The following WWC1 variants were observed in gnomAD, a reference collection of about 807,000 sequenced individuals.
The protein encoded by WWC1 is protein KIBRA.
WWC1 carries 55 observed loss-of-function variants against 138.4 expected under a neutral mutation model. That is an observed-to-expected ratio of 0.40 (90% CI 0.32 to 0.50). The LOEUF is 0.50. Among genes scored for constraint, WWC1 ranks in the 20% least tolerant of loss-of-function variants. The pLI is 0.72. For missense variants in WWC1, 1,226 were observed against 1,420.4 expected (o/e 0.86, Z 2.20); for synonymous variants, 524 against 564.9 (o/e 0.93, Z 1.03).
At chr5:168,414,235 A>G in intron 8 of WWC1, 113 bp from the exon 9 acceptor site, 1 of 1,450,620 alleles carries the variant, frequency 6.9e-7, no homozygotes, top group Non-Finnish European at 9.2e-7. Context: ...AAGCTGATCA[A>G]AGGAAGACAG....
At chr5:168,318,208 C>G (rs1175554901) in intron 1 of WWC1, among the ~76,000 whole-genome samples, 1 of 152,106 alleles carries the variant, frequency 6.6e-6, no homozygotes, top group African/African-American at 2.4e-5. Context: ...ATGTTACCAG[C>G]TCCCAATTTT....
chr5:168,385,221 G>A lies in WWC1; in HGVS notation c.240G>A (p.Gln80=). ...TGGGGTCTGTTCCAGAAACCACTCA[G>A]ATTGAGGATCCTCGAGTACAATGGC... ...YFIDHNTKTT[Q]IEDPRVQWRR... is the part of the protein sequence containing the mutation. Residue 80 remains glutamine (Q), a synonymous_variant, in exon 3 of 23, where the codon CAG becomes CAA. Transcript: ENST00000265293. The A allele has an allele frequency of 6.2e-7, 1 of 1,614,184 alleles. No individual in the cohort carries two copies. The highest frequency in any genetic ancestry group is 1.6e-4 in the Middle Eastern group (1 of 6,062).
At chr5:168,345,115 T>C (rs776147707) in intron 1 of WWC1, among the ~76,000 whole-genome samples, 53 of 152,176 alleles carry the variant, frequency 3.5e-4, no homozygotes, top group Non-Finnish European at 6.8e-4. Flanking sequence ...TTCTCTTTTA[T>C]TATTTTATTT....
chr5:168,406,066 G>A, intron 5 of WWC1, 132 bp from the exon 6 acceptor site: 7 of 1,170,808 alleles, frequency 6.0e-6, no homozygotes, highest in Non-Finnish European at 8.4e-6. Context: ...GGGACCTAGG[G>A]AGGAAGGGTT....
Position 168,371,509 on chromosome 5 carries a change from G to C in WWC1, c.205G>C (p.Asp69His). The change falls in exon 2 of 23, where the codon GAT becomes CAT. Residue 69 changes from aspartate (D) to histidine (H), a missense_variant. Asp to His is a moderately conservative substitution (Grantham distance 81). This residue lies in a region of WWC1 where 1,016 missense variants were observed against 1,153.9 expected (regional missense o/e 0.88). Coordinates refer to ENST00000265293, the MANE Select transcript of WWC1 (RefSeq NM_015238.3). ...AGAGGCATATGACCCACAGGTTGGA[G>C]ATTACTTCATAGACCACAACACCAG... ...WEEAYDPQVG[D>H]YFIDHNTKTT... 1 of 1,613,970 alleles carries C rather than the reference G, an allele frequency of 6.2e-7. No homozygotes were observed. Among genetic ancestry groups the C allele is most frequent in the Non-Finnish European group, 8.5e-7 (1 of 1,179,926 alleles).
chr5:168,336,000 C>T (rs1773422776), intron 1 of WWC1, among the ~76,000 whole-genome samples: 1 of 152,182 alleles, frequency 6.6e-6, no homozygotes, highest in Admixed American at 6.5e-5. Flanking sequence ...TCTATAAAAG[C>T]AGGACATTGG....
At chr5:168,448,031 C>T (rs1203205415) in intron 17 of WWC1, among the ~76,000 whole-genome samples, 1 of 152,178 alleles carries the variant, frequency 6.6e-6, no homozygotes, top group Non-Finnish European at 1.5e-5. Context: ...TGAGACTTTT[C>T]AAGCCATCTC....
At chr5:168,365,364 G>T (rs1292128620) in intron 1 of WWC1, among the ~76,000 whole-genome samples, 1 of 152,174 alleles carries the variant, frequency 6.6e-6, no homozygotes, top group Non-Finnish European at 1.5e-5. Context: ...GAGCAGGCCA[G>T]CATCCTGCTG....
chr5:168,318,495 T>C (rs1384001413), intron 1 of WWC1, among the ~76,000 whole-genome samples: 1 of 152,162 alleles, frequency 6.6e-6, no homozygotes, highest in Non-Finnish European at 1.5e-5. Flanking sequence ...CTCTATGAAT[T>C]TGACTTCTCT....
chr5:168,298,145 T>G (rs1167161350), intron 1 of WWC1, among the ~76,000 whole-genome samples: 1 of 152,232 alleles, frequency 6.6e-6, no homozygotes, highest in Middle Eastern at 3.4e-3. Flanking sequence ...TTCAAGCAAT[T>G]CTCGTGCCTC....
intron 1 of WWC1, among the ~76,000 whole-genome samples, chr5:168,332,981 T>C (rs1387815977): frequency 6.6e-6 from 1 of 152,178 alleles, no homozygotes; most frequent in East Asian, 1.9e-4. Flanking sequence ...AGTACTGGGA[T>C]TACAGGCATG....
intron 1 of WWC1, among the ~76,000 whole-genome samples, chr5:168,318,637 G>A (rs142669770): frequency 0.025 from 3,788 of 149,618 alleles, 158 homozygotes; most frequent in African/African-American, 0.089. Context: ...TCAGCTCACT[G>A]CAGCCTCCAC....
chr5:168,293,980 C>T (rs1769297489), intron 1 of WWC1, among the ~76,000 whole-genome samples: 1 of 152,054 alleles, frequency 6.6e-6, no homozygotes, highest in African/African-American at 2.4e-5. Context: ...TTCTCTTGTC[C>T]TTTTCTCAGA....
chr5:168,432,980 A>G (rs1782064862), intron 15 of WWC1, among the ~76,000 whole-genome samples: 1 of 152,156 alleles, frequency 6.6e-6, no homozygotes, highest in Non-Finnish European at 1.5e-5. Flanking sequence ...TTTGCTCTCC[A>G]TCCTTGCCTT....
At position 168,298,776 on chromosome 5, in the gene WWC1, C is replaced by A. The variant is rs115070627; in HGVS notation, c.119+6505C>A. On this transcript the variant is annotated intron_variant, in intron 1 of 22. Transcript: ENST00000265293. ...GGGGTAAGTACTTCAGATGAGGGAACTGAAATTTAGAAAGGTTAAGTAACC... is the reference window on the plus strand; with the variant it reads ...GGGGTAAGTACTTCAGATGAGGGAAATGAAATTTAGAAAGGTTAAGTAACC... 2.0e-3 allele frequency among the ~76,000 whole-genome samples: 311 copies of A among 152,166 alleles called. 2 individuals are homozygous for A. The highest frequency in any genetic ancestry group is 7.2e-3 in the African/African-American group (301 of 41,530).
chr5:168,468,951 G>A lies in WWC1; in HGVS notation c.3276G>A (p.Arg1092=), dbSNP rs1357898482. Residue 1092 remains arginine (R), a splice_region_variant and synonymous_variant, in exon 23 of 23, where the codon AGG becomes AGA. Coordinates refer to ENST00000265293, the MANE Select transcript of WWC1 (RefSeq NM_015238.3). ...TCTAAAGGGATGGCCTCTCTTATAG[G>A]GAGAAGATGGCATTTTTCACCCGGC... ...CKEPPEVQSF[R]EKMAFFTRPR... is the part of the protein sequence containing the mutation. The A allele has an allele frequency of 6.2e-7, 1 of 1,614,034 alleles. No individual in the cohort carries two copies. The highest frequency in any genetic ancestry group is 8.5e-7 in the Non-Finnish European group (1 of 1,180,016).
Position 168,469,298 on chromosome 5 carries a change from G to T in WWC1, c.*281G>T. 1 of 406,828 alleles carries T rather than the reference G, an allele frequency of 2.5e-6. No homozygotes were observed. The highest frequency in any genetic ancestry group is 4.3e-5 in the South Asian group (1 of 23,120). 25.2% of individuals were successfully genotyped at this position (406,828 alleles called of 1,614,324 possible). ...TATTTAGGAGTGTATTTTTGGGAAA[G>T]AAAATTTAAATGAACTAAAGCAGTA... On this transcript the variant is annotated 3_prime_UTR_variant, in exon 23 of 23. Coordinates refer to ENST00000265293, the MANE Select transcript of WWC1 (RefSeq NM_015238.3).
chr5:168,369,590 A>G (rs956055023), intron 1 of WWC1, among the ~76,000 whole-genome samples: 1 of 152,204 alleles, frequency 6.6e-6, no homozygotes, highest in African/African-American at 2.4e-5. Flanking sequence ...AGTGTATTGC[A>G]CATCACATAC....
chr5:168,295,834 A>G (rs1769489769), intron 1 of WWC1, among the ~76,000 whole-genome samples: 1 of 152,132 alleles, frequency 6.6e-6, no homozygotes. Context: ...CTTCTCACCC[A>G]GGGGAAGACT....
Sources: gnomAD v4.1 joint callset for allele counts (sites outside exome capture counted in the v4.1 genomes callset) on GRCh38, gnomAD v4.1.1 for gene constraint, gnomAD v4.1.1 regional missense constraint, MANE v1.5 for transcripts, NCBI Gene and HGNC (gene_info 2026-07-23, HGNC 2026-07-21) for gene names.